Variants in PARP4 observed in about 807,000 individuals in gnomAD.
PARP4 encodes protein mono-ADP-ribosyltransferase PARP4.
In PARP4, 120 loss-of-function variants were observed where a neutral mutation model predicts 187.7. The observed-to-expected ratio is 0.64, with a 90% CI of 0.55 to 0.74. The LOEUF (loss-of-function observed/expected upper bound fraction) is 0.74. Among genes scored for constraint, PARP4 ranks in the 30% least tolerant of loss-of-function variants. The pLI is 0.00. For missense variants in PARP4, 1,836 were observed against 2,070.5 expected, an observed-to-expected ratio of 0.89 and a Z score of 2.20; for synonymous variants, 654 against 740.9, an observed-to-expected ratio of 0.88 and a Z score of 1.90.
At position 24,434,242 on chromosome 13, in the gene PARP4, A is replaced by G. The variant is rs2862900; in HGVS notation, c.4746+153T>C. ...TTTGTTTTGTAGCAAGAGTTCCTCA[A>G]TGAAGGAAGCAGTATGATTTATACC... On this transcript the variant is annotated intron_variant, in intron 31 of 33. Coordinates refer to ENST00000381989, the MANE Select transcript of PARP4 (RefSeq NM_006437.4). Among the ~76,000 whole-genome samples the G allele has an allele frequency of 8.9e-3, 1,162 of 131,068 alleles. 28 individuals are homozygous for G. Among genetic ancestry groups the G allele is most frequent in the Admixed American group, 0.049 (606 of 12,316 alleles). The allele number at this position is 131,068 out of a possible 152,430, so 86.0% of individuals were successfully genotyped here.
chr13:24,511,928 A>T (rs536164934), intron 1 of PARP4, among the ~76,000 whole-genome samples: 1 of 152,380 alleles, frequency 6.6e-6, no homozygotes, highest in Admixed American at 6.5e-5. Context: ...TACATGATAT[A>T]CAGTAGCTCT....
At position 24,492,238 on chromosome 13, in the gene PARP4, T is replaced by G. The variant is rs1205584302; in HGVS notation, c.1053+183A>C. On this transcript the variant is annotated intron_variant, in intron 9 of 33. Transcript: ENST00000381989. ...TGTCACTGTGCCAACATATTCACAT[T>G]TGAAAATATGGTTTAACTTTCATAA... Among the ~76,000 whole-genome samples the G allele has an allele frequency of 2.0e-5, 3 of 152,100 alleles. No homozygotes were observed. In the East Asian group the frequency reaches 5.8e-4, roughly 29 times the overall value.
intron 2 of PARP4, 55 bp from the exon 3 acceptor site, chr13:24,501,889 A>G: frequency 9.8e-7 from 1 of 1,021,582 alleles, no homozygotes; most frequent in Non-Finnish European, 1.5e-6. Flanking sequence ...CATTTAAATA[A>G]GATATTTGTA....
intron 1 of PARP4, among the ~76,000 whole-genome samples, chr13:24,511,732 GATA>G (rs1870030073): frequency 6.6e-6 from 1 of 152,152 alleles, no homozygotes; most frequent in Non-Finnish European, 1.5e-5. Flanking sequence ...GATCACTTTT[GATA>G]TACAGTGGGC....
At chr13:24,505,777 G>A (rs80306149) in intron 1 of PARP4, among the ~76,000 whole-genome samples, 155 of 152,338 alleles carry the variant, frequency 1.0e-3, no homozygotes, top group Non-Finnish European at 1.5e-3. Flanking sequence ...AAGGAGTCAC[G>A]TCTAACAGGC....
In PARP4 at chr13:24,459,286, T is replaced by C; in HGVS notation, c.2323A>G (p.Lys775Glu). The change falls in exon 19 of 34, where the codon AAA becomes GAA. Residue 775 changes from lysine (K) to glutamate (E), a missense_variant. Lys to Glu is a moderately conservative substitution (Grantham distance 56). Coordinates refer to ENST00000381989, the MANE Select transcript of PARP4 (RefSeq NM_006437.4). ...LQDTVEKICI[K>E]EIGTKQSFSL... is the part of the protein sequence containing the mutation. ...AACCTTTGCTTTGTTCCTATTTCTT[T>C]TATACAAATCTTCTCTACTGTATCC... 6.3e-7 allele frequency: 1 copy of C among 1,576,960 alleles called. No individual in the cohort carries two copies. Among genetic ancestry groups the C allele is most frequent in the Non-Finnish European group, 8.7e-7 (1 of 1,156,000 alleles).
intron 15 of PARP4, among the ~76,000 whole-genome samples, chr13:24,471,432 G>A (rs1027578635): frequency 1.3e-5 from 2 of 152,136 alleles, no homozygotes; most frequent in African/African-American, 2.4e-5. Context: ...TTTAGATAAC[G>A]ACAATAAAAG....
At chr13:24,467,965 G>A (rs1872555633) in intron 17 of PARP4, among the ~76,000 whole-genome samples, 1 of 151,560 alleles carries the variant, frequency 6.6e-6, no homozygotes, top group Non-Finnish European at 1.5e-5. Flanking sequence ...CCATCCTGCA[G>A]GTGGATATCT....
intron 33 of PARP4, 112 bp from the exon 34 acceptor site, chr13:24,421,426 T>C (rs1313661442): frequency 8.6e-6 from 6 of 696,068 alleles, no homozygotes; most frequent in East Asian, 2.8e-5. Flanking sequence ...AATTAAGATA[T>C]TTAATAAAAG....
chr13:24,503,828 G>A (rs1273519408), intron 1 of PARP4, 51 bp from the exon 2 acceptor site: 1 of 1,496,952 alleles, frequency 6.7e-7, no homozygotes, highest in Non-Finnish European at 9.2e-7. Context: ...ATATGACAGT[G>A]AATTTAGAAT....
At chr13:24,463,359 A>G (rs750465214) in intron 17 of PARP4, among the ~76,000 whole-genome samples, 17 of 152,254 alleles carry the variant, frequency 1.1e-4, no homozygotes, top group African/African-American at 3.8e-4. Context: ...TTGCTAGCAC[A>G]CTTGCGCTAG....
chr13:24,480,512 T>C (rs758162452), intron 12 of PARP4, among the ~76,000 whole-genome samples: 1 of 152,170 alleles, frequency 6.6e-6, no homozygotes, highest in Non-Finnish European at 1.5e-5. Context: ...GTGGCAGTTA[T>C]CCAAGTGGTG....
chr13:24,473,239 T>C (rs947264884), intron 15 of PARP4, among the ~76,000 whole-genome samples: 3 of 152,116 alleles, frequency 2.0e-5, no homozygotes, highest in African/African-American at 7.2e-5. Context: ...CCCTGGTATT[T>C]ATGATAGCAA....
At chr13:24,445,474 C>A (rs546190332) in intron 27 of PARP4, among the ~76,000 whole-genome samples, 12 of 152,082 alleles carry the variant, frequency 7.9e-5, no homozygotes, top group Middle Eastern at 3.4e-3. Flanking sequence ...ATCAACCAGG[C>A]CTTTGTAATG....
At chr13:24,508,112 T>A (rs757966607) in intron 1 of PARP4, among the ~76,000 whole-genome samples, 2 of 152,134 alleles carry the variant, frequency 1.3e-5, no homozygotes, top group African/African-American at 4.8e-5. Flanking sequence ...AGGGGTACCA[T>A]AAAAGAGATT....
At chr13:24,463,671 C>G (rs1020863667) in intron 17 of PARP4, among the ~76,000 whole-genome samples, 1 of 152,128 alleles carries the variant, frequency 6.6e-6, no homozygotes, top group Non-Finnish European at 1.5e-5. Context: ...CCATTAATGA[C>G]AAACCCACAT....
intron 28 of PARP4, 52 bp from the exon 29 acceptor site, chr13:24,442,737 T>C (rs1344656048): frequency 3.2e-6 from 3 of 944,600 alleles, no homozygotes; most frequent in Admixed American, 1.8e-5. Context: ...TATTTCGCTA[T>C]GTCAGTAAAT....
intron 10 of PARP4, among the ~76,000 whole-genome samples, chr13:24,487,836 G>A (rs543836792): frequency 6.6e-6 from 1 of 152,252 alleles, no homozygotes; most frequent in Non-Finnish European, 1.5e-5. Flanking sequence ...GCAGCATCGG[G>A]GTGATTCAGG....
intron 1 of PARP4, among the ~76,000 whole-genome samples, chr13:24,508,276 G>T (rs538760560): frequency 1.3e-5 from 2 of 152,146 alleles, no homozygotes; most frequent in African/African-American, 4.8e-5. Context: ...GCTGACCAAG[G>T]TTGGCTGACA....
Sources: gnomAD v4.1 joint callset for allele counts (sites outside exome capture counted in the v4.1 genomes callset) on GRCh38, gnomAD v4.1.1 for gene constraint, MANE v1.5 for transcripts, NCBI Gene and HGNC (gene_info 2026-07-23, HGNC 2026-07-21) for gene names.